Variants in IGF1R observed in about 807,000 individuals in gnomAD.
IGF1R encodes the protein insulin like growth factor 1 receptor, also known as insulin-like growth factor 1 receptor.
Under a neutral mutation model 144.6 loss-of-function variants are expected in IGF1R, and 44 were observed. The ratio of observed to expected loss-of-function variants is 0.30; its 90% CI spans 0.24 to 0.39. The LOEUF is 0.39. Ranked by LOEUF, IGF1R falls within the 10% of genes least tolerant of loss-of-function variation. The pLI, the probability that IGF1R is intolerant of heterozygous loss-of-function variation, is 1.00. For missense variants in IGF1R, 1,355 were observed against 1,833.7 expected (o/e 0.74, Z 4.77); for synonymous variants, 795 against 722.8 (o/e 1.10, Z -1.60).
intron 2 of IGF1R, among the ~76,000 whole-genome samples, chr15:98,845,545 C>CCCCTCCTCTCTCCTCTTCT (rs1567158330): frequency 6.9e-6 from 1 of 144,486 alleles, no homozygotes; most frequent in African/African-American, 2.6e-5. Flanking sequence ...CCTCCTCCTC[C>CCCCTCCTCTCTCCTCTTCT]CCCTCCTCTC....
chr15:98,819,120 CA>C (rs780654121), intron 2 of IGF1R, among the ~76,000 whole-genome samples: 13 of 152,088 alleles, frequency 8.5e-5, no homozygotes, highest in Admixed American at 2.0e-4. Flanking sequence ...CTCAGACATC[CA>C]GGGGGGGCAA....
intron 1 of IGF1R, among the ~76,000 whole-genome samples, chr15:98,664,524 G>A (rs779143280): frequency 6.6e-6 from 1 of 151,870 alleles, no homozygotes; most frequent in Non-Finnish European, 1.5e-5. Context: ...AATTAGCCAG[G>A]CACAGTGGCA....
chr15:98,873,531 C>G (rs1287168824), intron 2 of IGF1R, among the ~76,000 whole-genome samples: 2 of 152,184 alleles, frequency 1.3e-5, no homozygotes, highest in Non-Finnish European at 2.9e-5. Flanking sequence ...TGCCTCTGCT[C>G]CTGTGTGCAC....
At chr15:98,909,261 C>CTTTTTTCTTTTT (rs1555459650) in intron 6 of IGF1R, among the ~76,000 whole-genome samples, 10 of 91,750 alleles carry the variant, frequency 1.1e-4, no homozygotes, top group South Asian at 3.6e-4. Flanking sequence ...CTTTTTTTTT[C>CTTTTTTCTTTTT]TTTTTTTTTT....
chr15:98,878,661 CTCAAAAAAAAAAA>C (rs2013184214), intron 2 of IGF1R, among the ~76,000 whole-genome samples: 1 of 25,802 alleles, frequency 3.9e-5, no homozygotes. Flanking sequence ...TTGTGAAAGA[CTCAAAAAAAAAAA>C]AAAAAAAAAA....
intron 5 of IGF1R, among the ~76,000 whole-genome samples, chr15:98,903,025 A>G (rs1260713185): frequency 6.6e-6 from 1 of 152,216 alleles, no homozygotes; most frequent in African/African-American, 2.4e-5. Flanking sequence ...TACAAAAGCC[A>G]TAGCCATGGT....
intron 2 of IGF1R, among the ~76,000 whole-genome samples, chr15:98,850,070 A>G (rs1161016251): frequency 4.6e-5 from 7 of 152,246 alleles, no homozygotes; most frequent in African/African-American, 7.2e-5. Flanking sequence ...GTGAAATGAC[A>G]GTTGTGCAGT....
intron 2 of IGF1R, among the ~76,000 whole-genome samples, chr15:98,728,990 TAAAGA>T (rs1385338707): frequency 6.6e-6 from 1 of 152,122 alleles, no homozygotes; most frequent in Non-Finnish European, 1.5e-5. Flanking sequence ...TTGTGAGAGG[TAAAGA>T]AAAGGGGTTA....
chr15:98,939,816 T>C (rs927149986), intron 18 of IGF1R, among the ~76,000 whole-genome samples: 1 of 152,218 alleles, frequency 6.6e-6, no homozygotes, highest in Non-Finnish European at 1.5e-5. Context: ...TGACGAAGCC[T>C]CTGCACGGAG....
intron 2 of IGF1R, among the ~76,000 whole-genome samples, chr15:98,769,637 A>G (rs2055534089): frequency 6.6e-6 from 1 of 152,246 alleles, no homozygotes. Flanking sequence ...TGAATAAGAA[A>G]TAATTTTTTA....
At chr15:98,669,505 C>T (rs1225851351) in intron 1 of IGF1R, among the ~76,000 whole-genome samples, 1 of 152,172 alleles carries the variant, frequency 6.6e-6, no homozygotes, top group Non-Finnish European at 1.5e-5. Context: ...GTCATATGTG[C>T]TGGCTGCTAT....
At chr15:98,788,591 T>C (rs1247690041) in intron 2 of IGF1R, among the ~76,000 whole-genome samples, 4 of 152,256 alleles carry the variant, frequency 2.6e-5, no homozygotes, top group South Asian at 4.1e-4. Context: ...CCTGAATGCA[T>C]GTAAATAACT....
intron 2 of IGF1R, among the ~76,000 whole-genome samples, chr15:98,888,334 A>T (rs1010244392): frequency 1.3e-5 from 2 of 152,108 alleles, no homozygotes; most frequent in African/African-American, 2.4e-5. Context: ...GGAATACCCA[A>T]TTGCAGTGTT....
intron 2 of IGF1R, among the ~76,000 whole-genome samples, chr15:98,742,569 G>A (rs1297249650): frequency 6.6e-6 from 1 of 152,182 alleles, no homozygotes; most frequent in African/African-American, 2.4e-5. Context: ...AGTGTGGCTT[G>A]ATCTGAAACA....
chr15:98,916,967 G>A lies in IGF1R; in HGVS notation c.2201+91G>A, dbSNP rs527701685. ...TCCCCACCAGGTAGTGTGTAAGTCA[G>A]CAGCTGGGGGGTACAATACAGTAGC... is the stretch of plus-strand genomic sequence containing the variant. On this transcript the variant is annotated intron_variant, in intron 10 of 20. Transcript: ENST00000650285. 37 of 1,085,050 alleles carry A rather than the reference G, an allele frequency of 3.4e-5. No homozygotes were observed. In the East Asian group the frequency reaches 8.9e-4, roughly 26 times the overall value. 67.2% of individuals were successfully genotyped at this position (1,085,050 alleles called of 1,614,324 possible).
intron 2 of IGF1R, among the ~76,000 whole-genome samples, chr15:98,729,043 A>G (rs150051112): frequency 2.6e-5 from 4 of 152,364 alleles, no homozygotes; most frequent in African/African-American, 7.2e-5. Flanking sequence ...TCAATGAAAT[A>G]TTAGCTGATA....
chr15:98,797,183 G>A (rs2056264178), intron 2 of IGF1R, among the ~76,000 whole-genome samples: 1 of 152,202 alleles, frequency 6.6e-6, no homozygotes, highest in Non-Finnish European at 1.5e-5. Context: ...GTCTTGCGGG[G>A]TGATTTTTCC....
At chr15:98,713,323 T>C (rs1318173419) in intron 2 of IGF1R, among the ~76,000 whole-genome samples, 2 of 152,168 alleles carry the variant, frequency 1.3e-5, no homozygotes, top group Non-Finnish European at 2.9e-5. Flanking sequence ...AGATACATTT[T>C]CCCCTTGAGC....
At chr15:98,852,655 G>A (rs1357936144) in intron 2 of IGF1R, among the ~76,000 whole-genome samples, 3 of 152,298 alleles carry the variant, frequency 2.0e-5, no homozygotes, top group African/African-American at 4.8e-5. Context: ...TCCCAGCCCC[G>A]GGGCCCCACC....
Sources: allele counts gnomAD v4.1 joint callset (sites outside exome capture counted in the v4.1 genomes callset), GRCh38; gene constraint gnomAD v4.1.1; transcripts MANE v1.5; gene names NCBI Gene and HGNC (gene_info 2026-07-23, HGNC 2026-07-21).